Variants in BRWD3 observed in about 807,000 individuals in gnomAD.
BRWD3 encodes bromodomain and WD repeat-containing protein 3.
In BRWD3, 10 loss-of-function variants were observed where a neutral mutation model predicts 149.7. The observed-to-expected ratio is 0.07, with a 90% CI of 0.04 to 0.11. BRWD3 has a LOEUF of 0.11. BRWD3 is among the 10% of genes least tolerant of loss of function. The pLI, the probability that BRWD3 is intolerant of heterozygous loss-of-function variation, is 1.00. For missense variants in BRWD3, 940 were observed against 1,373.2 expected, an observed-to-expected ratio of 0.68 and a Z score of 4.99; for synonymous variants, 504 against 456.7, an observed-to-expected ratio of 1.10 and a Z score of -1.32.
At chrX:80,770,657 C>T (rs7392261) in intron 6 of BRWD3, among the ~76,000 whole-genome samples, 9,359 of 111,493 alleles carry the variant, frequency 0.084, 373 homozygotes, top group South Asian at 0.19. Context: ...ACTGAATGGG[C>T]AAAAACTGGA....
intron 22 of BRWD3, among the ~76,000 whole-genome samples, chrX:80,706,497 T>G (rs1258281370): frequency 1.8e-5 from 2 of 111,900 alleles, no homozygotes; most frequent in East Asian, 5.5e-4. Context: ...GTTTAAAAAC[T>G]AAGACACAAA....
At chrX:80,720,092 C>T (rs1465176343) in intron 17 of BRWD3, among the ~76,000 whole-genome samples, 1 of 112,054 alleles carries the variant, frequency 8.9e-6, no homozygotes, top group African/African-American at 3.2e-5. Flanking sequence ...AAGCATAGCA[C>T]ATATAATTAT....
At chrX:80,752,316 G>A (rs2073680061) in intron 6 of BRWD3, among the ~76,000 whole-genome samples, 1 of 111,458 alleles carries the variant, frequency 9.0e-6, no homozygotes, top group Non-Finnish European at 1.9e-5. Flanking sequence ...GGACACTTAA[G>A]TTGATTTCAT....
rs771109276 is a variant in BRWD3, at chrX:80,791,989, C to CA, written c.332-38dup. 6 of 942,715 alleles carry CA rather than the reference C, an allele frequency of 6.4e-6. No homozygotes were observed. The East Asian group carries it at 2.0e-4, about 31-fold the overall frequency. The allele number at this position is 942,715 out of a possible 1,213,427, so 77.7% of individuals were successfully genotyped here. ...GAACAAAGGTTGCTAAGGAATAGAG[C>CA]AGTTTTTTTTTTAACCATGTCTCAG... On this transcript the variant is annotated intron_variant, in intron 5 of 40. Coordinates refer to ENST00000373275, the MANE Select transcript of BRWD3 (RefSeq NM_153252.5).
At position 80,686,346 on chromosome X, in the gene BRWD3, CACCAACAT is replaced by C. The variant is rs755346211; in HGVS notation, c.4005+509_4005+516del. Among the ~76,000 whole-genome samples, 26 of 109,129 alleles carry C rather than the reference CACCAACAT, an allele frequency of 2.4e-4. No homozygotes were observed. The South Asian group carries it at 9.7e-3, about 41-fold the overall frequency. The allele number at this position is 109,129 out of a possible 115,157, so 94.8% of individuals were successfully genotyped here. Reference sequence around the variant, plus strand: ...AGTTAATGGGTGCAGCACACCAACACACCAACATGGCATATGTATACGTATGTAACAAA... The same window carrying C: ...AGTTAATGGGTGCAGCACACCAACACGGCATATGTATACGTATGTAACAAA... On this transcript the variant is annotated intron_variant, in intron 35 of 40. Coordinates refer to ENST00000373275, the MANE Select transcript of BRWD3 (RefSeq NM_153252.5).
At chrX:80,696,910 T>A (rs1377110676) in intron 25 of BRWD3, 47 bp from the exon 26 acceptor site, 2 of 1,055,636 alleles carry the variant, frequency 1.9e-6, no homozygotes, top group Non-Finnish European at 2.6e-6. Flanking sequence ...TATAATTACT[T>A]AACATTTGTA....
intron 18 of BRWD3, 103 bp from the exon 19 acceptor site, chrX:80,717,862 G>GT: frequency 4.3e-6 from 3 of 703,579 alleles, no homozygotes; most frequent in South Asian, 4.6e-5. Context: ...TAGTACTGCT[G>GT]TAAGAATTGC....
intron 6 of BRWD3, among the ~76,000 whole-genome samples, chrX:80,781,316 G>A (rs912857334): frequency 9.0e-6 from 1 of 111,036 alleles, no homozygotes; most frequent in East Asian, 2.8e-4. Context: ...TAGATGAGTG[G>A]CTATTTCTTT....
At chrX:80,694,759 A>C (rs1402399679) in intron 27 of BRWD3, among the ~76,000 whole-genome samples, 1 of 111,079 alleles carries the variant, frequency 9.0e-6, no homozygotes, top group Admixed American at 9.6e-5. Flanking sequence ...TTTATCCAAT[A>C]CCTGTACCCC....
chrX:80,670,457 C>A lies in BRWD3; in HGVS notation c.*6152G>T, dbSNP rs985374655. 9.0e-6 allele frequency among the ~76,000 whole-genome samples: 1 copy of A among 110,535 alleles called. No homozygotes were observed. The highest frequency in any genetic ancestry group is 1.9e-5 in the Non-Finnish European group (1 of 52,874). On this transcript the variant is annotated 3_prime_UTR_variant, in exon 41 of 41. Coordinates refer to ENST00000373275, the MANE Select transcript of BRWD3 (RefSeq NM_153252.5). ...CTCAACTTGGAAAAAAAATGGATCC[C>A]CAGGCTGGAGTGCAGTGGCATGATC...
At position 80,723,876 on chromosome X, in the gene BRWD3, T is replaced by C; in HGVS notation, c.1522A>G (p.Ile508Val). 8.3e-7 allele frequency: 1 copy of C among 1,210,850 alleles called. No homozygotes were observed. The highest frequency in any genetic ancestry group is 1.7e-5 in the African/African-American group (1 of 57,868). The change falls in exon 16 of 41, where the codon ATT becomes GTT. Residue 508 changes from isoleucine to valine, a missense_variant and splice_region_variant. Physicochemically the swap from Ile to Val is conservative, Grantham distance 29 (BLOSUM62 3). Transcript: ENST00000373275. Reference protein sequence around the residue: ...GTKIRNYFNMIEGQGHGAVFD... With the variant: ...GTKIRNYFNMVEGQGHGAVFD... ...ACCGCACCATGGCCTTGGCCTTCAATCTGAAATTCAGAGGAGTCTCAAGTC... is the reference window on the plus strand; with the variant it reads ...ACCGCACCATGGCCTTGGCCTTCAACCTGAAATTCAGAGGAGTCTCAAGTC...
Position 80,793,720 on chromosome X carries a change from C to A in BRWD3, c.233G>T (p.Arg78Ile). 1 of 1,208,203 alleles carries A rather than the reference C, an allele frequency of 8.3e-7. No homozygotes were observed. The highest frequency in any genetic ancestry group is 3.0e-5 in the East Asian group (1 of 33,837). ...PPDYLLKICE[R>I]IGPLLDKEIP... ...CTCTTTATCTAGTAAAGGACCAATT[C>A]TCTCACAAATTTTAAGGAGGTAGTC... The change falls in exon 5 of 41, where the codon AGA (arginine) becomes ATA (isoleucine). Residue 78 changes from arginine (R) to isoleucine (I), a missense_variant. By Grantham distance (97) the Arg-to-Ile change is moderately conservative. Coordinates refer to ENST00000373275, the MANE Select transcript of BRWD3 (RefSeq NM_153252.5).
intron 4 of BRWD3, among the ~76,000 whole-genome samples, chrX:80,804,115 T>C (rs907413172): frequency 1.8e-5 from 2 of 112,511 alleles, no homozygotes; most frequent in African/African-American, 6.5e-5. Context: ...GCATATAAAA[T>C]GAGGGTAATA....
At chrX:80,705,492 C>T (rs759416249) in intron 22 of BRWD3, among the ~76,000 whole-genome samples, 45 of 110,974 alleles carry the variant, frequency 4.1e-4, no homozygotes, top group African/African-American at 1.4e-3. Context: ...GAAATAAATA[C>T]ATATACAGTC....
rs188540038 is a variant in BRWD3 at position 80,781,498 on chromosome X, C to T, written c.430+10356G>A. On this transcript the variant is annotated intron_variant, in intron 6 of 40. Transcript: ENST00000373275. ...AATCCAGCTAGTCCTGTCTCTCAGT[C>T]CCCCCTCTCAACAAGAAAACCCAAG... Among the ~76,000 whole-genome samples the T allele has an allele frequency of 1.3e-3, 147 of 111,040 alleles. 1 individual carries two copies. The highest frequency in any genetic ancestry group is 4.7e-3 in the Middle Eastern group (1 of 214).
intron 4 of BRWD3, among the ~76,000 whole-genome samples, chrX:80,805,961 A>G (rs1259499070): frequency 9.0e-6 from 1 of 111,492 alleles, no homozygotes; most frequent in Non-Finnish European, 1.9e-5. Context: ...AAAAACACCT[A>G]CCCCAAGAAA....
At position 80,728,321 on chromosome X, in the gene BRWD3, A is replaced by G. The variant is rs764522606; in HGVS notation, c.1386+431T>C. 8.6e-4 allele frequency among the ~76,000 whole-genome samples: 96 copies of G among 111,681 alleles called. 1 individual carries two copies. The highest frequency in any genetic ancestry group is 3.1e-3 in the African/African-American group (95 of 30,833). ...ACTACAGCCTCTTACAATGACAAAT[A>G]CACTTTCTGAAAGAGGAAAAAAGAC... On this transcript the variant is annotated intron_variant, in intron 14 of 40. Transcript: ENST00000373275.
At chrX:80,713,212 G>A (rs1223777955) in intron 20 of BRWD3, among the ~76,000 whole-genome samples, 7 of 110,480 alleles carry the variant, frequency 6.3e-5, no homozygotes, top group Admixed American at 1.9e-4. Context: ...CATTGAGAAC[G>A]GGCCATGATG....
Position 80,691,937 on chromosome X carries a change from G to T in BRWD3, c.3367C>A (p.Gln1123Lys). 8.3e-7 allele frequency: 1 copy of T among 1,208,815 alleles called. No homozygotes were observed. The highest frequency in any genetic ancestry group is 3.0e-5 in the East Asian group (1 of 33,768). The part of the protein sequence containing the change: ...DEVGAGVPVS[Q>K]EELTALLYKP... The stretch of plus-strand genomic sequence containing the variant: ...TATAGCAAAGCAGTCAATTCTTCCT[G>T]GGAGACAGGAACACCAGCACCAACT... Residue 1123 changes from glutamine to lysine, a missense_variant, in exon 30 of 41, where the codon CAG becomes AAG. Physicochemically the swap from Gln to Lys is moderately conservative, Grantham distance 53. This residue lies in a region of BRWD3 where 158 missense variants were observed against 284.0 expected (regional missense o/e 0.56). Transcript: ENST00000373275.
Sources: allele counts gnomAD v4.1 joint callset (sites outside exome capture counted in the v4.1 genomes callset), GRCh38; gene constraint gnomAD v4.1.1; regional missense constraint gnomAD v4.1.1; transcripts MANE v1.5; gene names NCBI Gene and HGNC (gene_info 2026-07-23, HGNC 2026-07-21).